DGKG: variants seen among roughly 807,000 people sequenced by gnomAD.
DGKG encodes DAG kinase gamma.
Under a neutral mutation model 105.3 loss-of-function variants are expected in DGKG, and 78 were observed. The ratio of observed to expected loss-of-function variants is 0.74; its 90% CI spans 0.62 to 0.89. The LOEUF (loss-of-function observed/expected upper bound fraction) is 0.89, where lower values mean the gene tolerates loss of function less well. Ranked by LOEUF, DGKG falls within the 40% of genes least tolerant of loss-of-function variation. DGKG has a pLI of 0.00. For synonymous variants in DGKG, 346 were observed against 367.1 expected (o/e 0.94, Z 0.66); for missense variants, 958 against 1,020.1 (o/e 0.94, Z 0.83).
At chr3:186,218,462 CCA>C (rs1165828084) in intron 20 of DGKG, among the ~76,000 whole-genome samples, 1 of 144,896 alleles carries the variant, frequency 6.9e-6, no homozygotes, top group Non-Finnish European at 1.5e-5. Context: ...CGAGATCGCG[CCA>C]CTGCACTCCA....
At chr3:186,200,766 A>G (rs1718416527) in intron 21 of DGKG, among the ~76,000 whole-genome samples, 1 of 152,218 alleles carries the variant, frequency 6.6e-6, no homozygotes, top group South Asian at 2.1e-4. Context: ...TGTGACAGGG[A>G]TGATGGAGTT....
At chr3:186,344,394 A>AC (rs34333923) in intron 1 of DGKG, among the ~76,000 whole-genome samples, 51,074 of 152,150 alleles carry the variant, frequency 0.34, 10,836 homozygotes, top group African/African-American at 0.6. Context: ...ACCATGGAAT[A>AC]TATACAGTGA....
chr3:186,232,778 T>G (rs1720216244), intron 20 of DGKG, among the ~76,000 whole-genome samples: 2 of 152,230 alleles, frequency 1.3e-5, no homozygotes, highest in Admixed American at 1.3e-4. Context: ...TTCCATATAT[T>G]TCTACATTGA....
chr3:186,256,442 C>T (rs1721477307), intron 17 of DGKG, among the ~76,000 whole-genome samples: 1 of 152,190 alleles, frequency 6.6e-6, no homozygotes, highest in African/African-American at 2.4e-5. Context: ...CAGAAGCTGG[C>T]CACTTCTCAC....
chr3:186,240,348 C>T (rs1720624550), intron 20 of DGKG, among the ~76,000 whole-genome samples: 1 of 152,186 alleles, frequency 6.6e-6, no homozygotes, highest in Non-Finnish European at 1.5e-5. Context: ...AGCCTGTTTC[C>T]AGCACCAGGC....
Position 186,211,826 on chromosome 3 carries a change from C to T in DGKG, c.1886G>A (p.Cys629Tyr), listed in dbSNP as rs1480533591. Residue 629 changes from cysteine to tyrosine, a missense_variant, in exon 21 of 25, where the codon TGC becomes TAC. Physicochemically the swap from Cys to Tyr is radical, Grantham distance 194. This residue lies in a region of DGKG where 315 missense variants were observed against 400.6 expected (regional missense o/e 0.79). Coordinates refer to ENST00000265022, the MANE Select transcript of DGKG (RefSeq NM_001346.3). ...FGTSETFAAT[C>Y]KKLHDHIELE... is the part of the protein sequence containing the mutation. ...CTCAATGTGGTCGTGGAGTTTCTTG[C>T]AGGTCGCTGCAAAAGTCTCCGAGGT... is the stretch of plus-strand genomic sequence containing the variant. 6.2e-7 allele frequency: 1 copy of T among 1,614,078 alleles called. No homozygotes were observed. Among genetic ancestry groups the T allele is most frequent in the East Asian group, 2.2e-5 (1 of 44,902 alleles).
chr3:186,310,916 C>T (rs1461548999), intron 2 of DGKG, among the ~76,000 whole-genome samples: 2 of 150,750 alleles, frequency 1.3e-5, no homozygotes, highest in African/African-American at 4.9e-5. Flanking sequence ...AGAGAAGAAA[C>T]CGAGGCTTAT....
chr3:186,198,326 A>G (rs1335046060), intron 21 of DGKG, among the ~76,000 whole-genome samples: 1 of 152,202 alleles, frequency 6.6e-6, no homozygotes, highest in Non-Finnish European at 1.5e-5. Context: ...GCTGAAGGAA[A>G]TCCATACCTG....
At chr3:186,292,816 AAAG>A (rs1197100240) in intron 5 of DGKG, among the ~76,000 whole-genome samples, 4 of 152,160 alleles carry the variant, frequency 2.6e-5, no homozygotes, top group Non-Finnish European at 2.9e-5. Flanking sequence ...TCAAAAAAAA[AAAG>A]AAGAAACTCG....
intron 20 of DGKG, among the ~76,000 whole-genome samples, chr3:186,214,240 A>G (rs1467973130): frequency 6.6e-6 from 1 of 152,232 alleles, no homozygotes; most frequent in Non-Finnish European, 1.5e-5. Context: ...CTGGCTGTGT[A>G]ACCTTTGACA....
At chr3:186,155,401 C>T (rs1715988214) in intron 24 of DGKG, among the ~76,000 whole-genome samples, 1 of 152,098 alleles carries the variant, frequency 6.6e-6, no homozygotes, top group Non-Finnish European at 1.5e-5. Flanking sequence ...ACTATGTTGG[C>T]CAGGCTGGTC....
chr3:186,352,430 A>G (rs1434085764), intron 1 of DGKG, among the ~76,000 whole-genome samples: 1 of 152,132 alleles, frequency 6.6e-6, no homozygotes, highest in Admixed American at 6.6e-5. Context: ...ATGAGTTTTC[A>G]CGTTTCACCC....
intron 20 of DGKG, among the ~76,000 whole-genome samples, chr3:186,218,516 A>AT (rs1324990433): frequency 6.6e-6 from 1 of 150,498 alleles, no homozygotes; most frequent in African/African-American, 2.4e-5. Context: ...AAAAAAAAAA[A>AT]AAAAAAAAAA....
chr3:186,349,352 C>T (rs1726516173), intron 1 of DGKG, among the ~76,000 whole-genome samples: 1 of 152,072 alleles, frequency 6.6e-6, no homozygotes, highest in Non-Finnish European at 1.5e-5. Context: ...CTTTAGCTTT[C>T]TGCATTGTTC....
intron 1 of DGKG, among the ~76,000 whole-genome samples, chr3:186,332,655 ATGGGAATGG>A (rs1455574053): frequency 6.6e-6 from 1 of 152,148 alleles, no homozygotes; most frequent in Non-Finnish European, 1.5e-5. Context: ...TCATCTCTAA[ATGGGAATGG>A]TGAAAATATT....
Position 186,306,893 on chromosome 3 carries a change from G to A in DGKG, c.144+8C>T, listed in dbSNP as rs1323000651. 6.3e-7 allele frequency: 1 copy of A among 1,592,768 alleles called. No individual in the cohort carries two copies. ...GTTTTTAAAGGCTTAAAATGGAAAT[G>A]TTCTTACCTCATGTGGGTCATATTG... On this transcript the variant is annotated splice_region_variant and intron_variant, in intron 3 of 24. Coordinates refer to ENST00000265022, the MANE Select transcript of DGKG (RefSeq NM_001346.3).
intron 12 of DGKG, 149 bp from the exon 13 acceptor site, chr3:186,267,926 G>T (rs1462192435): frequency 5.9e-6 from 4 of 675,470 alleles, no homozygotes; most frequent in Non-Finnish European, 1.0e-5. Context: ...CCGTGTGTGT[G>T]TGTGTGCACG....
chr3:186,342,628 C>T (rs142094891), intron 1 of DGKG, among the ~76,000 whole-genome samples: 13 of 151,632 alleles, frequency 8.6e-5, no homozygotes, highest in African/African-American at 2.7e-4. Flanking sequence ...ACAGAAAGAC[C>T]CTGCTTGGTG....
chr3:186,349,617 A>G (rs949816656), intron 1 of DGKG, among the ~76,000 whole-genome samples: 1 of 152,086 alleles, frequency 6.6e-6, no homozygotes, highest in South Asian at 2.1e-4. Context: ...GAACTGCTAG[A>G]TATTGTTTTC....
Sources: allele counts gnomAD v4.1 joint callset (sites outside exome capture counted in the v4.1 genomes callset), GRCh38; gene constraint gnomAD v4.1.1; regional missense constraint gnomAD v4.1.1; transcripts MANE v1.5; gene names NCBI Gene and HGNC (gene_info 2026-07-23, HGNC 2026-07-21).